Variants in SPATC1 observed in about 807,000 individuals in gnomAD.
SPATC1 encodes spermatogenesis and centriole associated 1.
Under a neutral mutation model 36.5 loss-of-function variants are expected in SPATC1, and 35 were observed. The observed-to-expected ratio is 0.96, with a 90% CI of 0.73 to 1.27. The LOEUF (loss-of-function observed/expected upper bound fraction) is 1.27, where lower values mean the gene tolerates loss of function less well. Ranked by LOEUF, SPATC1 falls within the 50% of genes most tolerant of loss-of-function variation. The pLI, the probability that SPATC1 is intolerant of heterozygous loss-of-function variation, is 0.00. For missense variants in SPATC1, 779 were observed against 796.0 expected, an observed-to-expected ratio of 0.98 and a Z score of 0.26; for synonymous variants, 361 against 353.6, an observed-to-expected ratio of 1.02 and a Z score of -0.24.
At chr8:144,036,340 T>C (rs1834897435) in intron 1 of SPATC1, among the ~76,000 whole-genome samples, 1 of 152,216 alleles carries the variant, frequency 6.6e-6, no homozygotes, top group South Asian at 2.1e-4. Flanking sequence ...TTTGGGTTTT[T>C]ATGAGACAGG....
intron 1 of SPATC1, among the ~76,000 whole-genome samples, chr8:144,029,209 A>C (rs916261655): frequency 7.2e-4 from 106 of 147,308 alleles, no homozygotes; most frequent in Non-Finnish European, 1.3e-3. Context: ...AACTAAAAAA[A>C]AAAAAAAAAA....
At chr8:144,044,089 C>T (rs574022080) in intron 4 of SPATC1, among the ~76,000 whole-genome samples, 10 of 152,172 alleles carry the variant, frequency 6.6e-5, no homozygotes, top group South Asian at 4.1e-4. Flanking sequence ...TGACTAGTAT[C>T]GAGCCAGGTG....
At position 144,039,909 on chromosome 8, in the gene SPATC1, G is replaced by C. The variant is rs782140014; in HGVS notation, c.212G>C (p.Gly71Ala). ...TAGLSSRQNN[G>A]VFLPPSPAVA... ...CTCAGTGCTTTCTCTGTGTTCCCAG[G>C]TGTCTTCCTGCCCCCGTCCCCAGCA... The change falls in exon 2 of 5, where the codon GGT becomes GCT. Residue 71 changes from glycine to alanine, a missense_variant and splice_region_variant. Coordinates refer to ENST00000377470, the MANE Select transcript of SPATC1 (RefSeq NM_198572.3). The C allele has an allele frequency of 6.2e-6, 10 of 1,611,706 alleles. No individual in the cohort carries two copies.
intron 1 of SPATC1, among the ~76,000 whole-genome samples, chr8:144,021,119 A>C (rs1339802174): frequency 0.94 from 3,854 of 4,116 alleles, 1,875 homozygotes; most frequent in Middle Eastern, 1. Context: ...ACTTTCTCCC[A>C]TGAGGATTCT....
chr8:144,012,483 C>T lies in SPATC1; in HGVS notation c.-33C>T. On this transcript the variant is annotated 5_prime_UTR_variant, in exon 1 of 5. Transcript: ENST00000377470. ...GGCAGCCTCCAGGTGCAGTGCCCTC[C>T]CGTGGGCCGCACCCTTGCCACTGCC... The T allele has an allele frequency of 6.5e-7, 1 of 1,545,432 alleles. No homozygotes were observed. The highest frequency in any genetic ancestry group is 8.8e-7 in the Non-Finnish European group (1 of 1,141,438).
intron 1 of SPATC1, among the ~76,000 whole-genome samples, chr8:144,019,111 G>A (rs1834452748): frequency 6.6e-6 from 1 of 151,436 alleles, no homozygotes; most frequent in South Asian, 2.1e-4. Context: ...CTGTCTGGAT[G>A]TATAGTGGGC....
Position 144,016,577 on chromosome 8 carries a change from G to A in SPATC1, c.211+3851G>A, listed in dbSNP as rs1834398287. Among the ~76,000 whole-genome samples the A allele has an allele frequency of 6.6e-6, 1 of 152,086 alleles. No individual in the cohort carries two copies. Among genetic ancestry groups the A allele is most frequent in the African/African-American group, 2.4e-5 (1 of 41,392 alleles). ...TGCTGAGGGGCTTGGACTTGCTCCT[G>A]AAGGCGCTAAGAAGACACTGATGGT... On this transcript the variant is annotated intron_variant, in intron 1 of 4. Transcript: ENST00000377470. The surrounding 1 kb of genome is among the most constrained non-coding windows in gnomAD (Gnocchi z 4.5).
chr8:144,026,695 A>G (rs1231846189), intron 1 of SPATC1, among the ~76,000 whole-genome samples: 1 of 152,134 alleles, frequency 6.6e-6, no homozygotes, highest in African/African-American at 2.4e-5. Flanking sequence ...GTATTTCCTA[A>G]TGACTAATGA....
intron 1 of SPATC1, among the ~76,000 whole-genome samples, chr8:144,021,553 C>T (rs1342268640): frequency 4.5e-5 from 2 of 44,088 alleles, no homozygotes; most frequent in Admixed American, 2.2e-4. Flanking sequence ...TCTCTTCCCT[C>T]AGAACTTTTC....
rs956780551 is a variant in SPATC1, at chr8:144,012,594, T to C, written c.79T>C (p.Leu27=). The C allele has an allele frequency of 1.9e-6, 3 of 1,551,654 alleles. No individual in the cohort carries two copies. The highest frequency in any genetic ancestry group is 2.6e-6 in the Non-Finnish European group (3 of 1,146,978). The part of the protein sequence containing the change: ...LVRENEELKK[L]VRLIRENHEL... ...GCGGGAAAATGAGGAACTGAAGAAG[T>C]TGGTGCGGCTCATTCGGGAGAATCA... Residue 27 remains leucine (L), a synonymous_variant, in exon 1 of 5, where the codon TTG becomes CTG. Transcript: ENST00000377470.
At chr8:144,041,985 T>C (rs1045345110) in intron 4 of SPATC1, 5 of 985,132 alleles carry the variant, frequency 5.1e-6, no homozygotes, top group African/African-American at 1.7e-5. Context: ...TGTTTTCAGA[T>C]GGACTCTCGC....
chr8:144,016,252 A>G lies in SPATC1; in HGVS notation c.211+3526A>G, dbSNP rs1229289394. 6.6e-6 allele frequency among the ~76,000 whole-genome samples: 1 copy of G among 152,054 alleles called. No homozygotes were observed. Among genetic ancestry groups the G allele is most frequent in the East Asian group, 1.9e-4 (1 of 5,196 alleles). On this transcript the variant is annotated intron_variant, in intron 1 of 4. Transcript: ENST00000377470. The surrounding 1 kb of genome is among the most constrained non-coding windows in gnomAD (Gnocchi z 4.5). ...GCCTGAGCAACAAGAGCAAGACTTC[A>G]TCTCAAAAAAACAGTGCATGTGTGT...
In SPATC1 at chr8:144,046,870, C is replaced by A. The variant is rs782203211; in HGVS notation, c.1690C>A (p.Pro564Thr). The A allele has an allele frequency of 1.2e-5, 19 of 1,600,742 alleles. No individual in the cohort carries two copies. The highest frequency in any genetic ancestry group is 9.3e-6 in the Non-Finnish European group (11 of 1,179,818). The change falls in exon 5 of 5, where the codon CCC becomes ACC. Residue 564 changes from proline (P) to threonine (T), a missense_variant. Pro to Thr is a conservative substitution (Grantham distance 38). Coordinates refer to ENST00000377470, the MANE Select transcript of SPATC1 (RefSeq NM_198572.3). The surrounding 1 kb of genome is among the most constrained non-coding windows in gnomAD (Gnocchi z 6.6). ...LQRVVVETVH[P>T]GMLADALLLL... is the part of the protein sequence containing the mutation. ...GCGTGTGGTGGTGGAGACCGTGCAC[C>A]CCGGCATGCTCGCCGACGCGCTGCT...
At chr8:144,037,615 C>G (rs368461071) in intron 1 of SPATC1, among the ~76,000 whole-genome samples, 1 of 151,846 alleles carries the variant, frequency 6.6e-6, no homozygotes, top group Non-Finnish European at 1.5e-5. Context: ...GCAGCATGCT[C>G]GTTAAGAGTC....
chr8:144,033,588 A>C (rs1247191179), intron 1 of SPATC1, among the ~76,000 whole-genome samples: 2 of 152,096 alleles, frequency 1.3e-5, no homozygotes, highest in East Asian at 3.9e-4. Context: ...GAAATTGTGG[A>C]GCTCTCTAAT....
intron 3 of SPATC1, 28 bp downstream of exon 3, chr8:144,041,135 G>A (rs782050648): frequency 1.3e-6 from 2 of 1,583,644 alleles, no homozygotes; most frequent in Non-Finnish European, 1.7e-6. Flanking sequence ...CTCCACGCGG[G>A]TCGGGCCCCC....
intron 4 of SPATC1, chr8:144,042,138 C>A: frequency 6.9e-6 from 3 of 436,012 alleles, no homozygotes; most frequent in Non-Finnish European, 9.1e-6. Context: ...TCAATTCAAA[C>A]GATTCTGCTG....
At chr8:144,017,013 T>A (rs782452896) in intron 1 of SPATC1, among the ~76,000 whole-genome samples, 1 of 152,058 alleles carries the variant, frequency 6.6e-6, no homozygotes, top group East Asian at 1.9e-4. Context: ...ATGGGGGAAA[T>A]GGATTGGAGG....
intron 1 of SPATC1, among the ~76,000 whole-genome samples, chr8:144,031,962 T>C (rs1834806684): frequency 6.6e-6 from 1 of 152,138 alleles, no homozygotes; most frequent in African/African-American, 2.4e-5. Flanking sequence ...TCAAGCGATC[T>C]GCCCACCTTT....
Sources: allele counts gnomAD v4.1 joint callset (sites outside exome capture counted in the v4.1 genomes callset), GRCh38; gene constraint gnomAD v4.1.1; non-coding constraint Gnocchi (gnomAD v3.1); transcripts MANE v1.5; gene names NCBI Gene and HGNC (gene_info 2026-07-23, HGNC 2026-07-21).